ZFPM1: variants seen among roughly 807,000 people sequenced by gnomAD.
The protein encoded by ZFPM1 is zinc finger protein, FOG family member 1, also known as zinc finger protein ZFPM1.
Under a neutral mutation model 46.3 loss-of-function variants are expected in ZFPM1, and 28 were observed. The observed-to-expected ratio is 0.60, with a 90% CI of 0.45 to 0.83. The LOEUF is 0.83. ZFPM1 is among the 40% of genes least tolerant of loss of function. The pLI, the probability that ZFPM1 is intolerant of heterozygous loss-of-function variation, is 0.00. For synonymous variants in ZFPM1, 957 were observed against 675.9 expected, an observed-to-expected ratio of 1.42 and a Z score of -6.45; for missense variants, 1,878 against 1,432.4, an observed-to-expected ratio of 1.31 and a Z score of -5.02.
chr16:88,509,997 CA>C (rs1381413899), intron 3 of ZFPM1, among the ~76,000 whole-genome samples: 2 of 152,104 alleles, frequency 1.3e-5, no homozygotes, highest in Non-Finnish European at 2.9e-5. Flanking sequence ...GGCCAAGTCC[CA>C]GGGGGCAGCC....
At chr16:88,516,828 G>A (rs78615418) in intron 4 of ZFPM1, among the ~76,000 whole-genome samples, 3,898 of 152,224 alleles carry the variant, frequency 0.026, 179 homozygotes, top group African/African-American at 0.09. Context: ...GTGCAGATGC[G>A]ATGCTGTGAC....
intron 4 of ZFPM1, among the ~76,000 whole-genome samples, chr16:88,522,286 G>C (rs1018799749): frequency 1.3e-5 from 2 of 152,244 alleles, no homozygotes; most frequent in Non-Finnish European, 2.9e-5. Context: ...TGAGGGACCA[G>C]CTGGTGCCTC....
intron 4 of ZFPM1, chr16:88,516,027 CTG>C: frequency 7.5e-6 from 3 of 397,982 alleles, no homozygotes; most frequent in Non-Finnish European, 1.3e-5. Context: ...TTGGAGGGCT[CTG>C]TGAGTTCCAG....
chr16:88,475,221 G>A (rs1053274721), intron 1 of ZFPM1, among the ~76,000 whole-genome samples: 4 of 152,254 alleles, frequency 2.6e-5, no homozygotes, highest in Non-Finnish European at 5.9e-5. Flanking sequence ...GTGGGGTGTC[G>A]AGGGTGCCCT....
In ZFPM1 at chr16:88,453,632, C is replaced by T; in HGVS notation, c.-7C>T. On this transcript the variant is annotated 5_prime_UTR_variant, in exon 1 of 10. Coordinates refer to ENST00000319555, the MANE Select transcript of ZFPM1 (RefSeq NM_153813.3). ...CGGCCGCCGGGAGGGCGCGCGGCGC[C>T]GGAGACATGTCCAGGCGGAAACAGA... 8.7e-7 allele frequency: 1 copy of T among 1,146,232 alleles called. No individual in the cohort carries two copies. Among genetic ancestry groups the T allele is most frequent in the Non-Finnish European group, 1.1e-6 (1 of 917,280 alleles). The allele number at this position is 1,146,232 out of a possible 1,614,324, so 71.0% of individuals were successfully genotyped here.
rs1910017888 is a variant in ZFPM1 at position 88,497,783 on chromosome 16, C to G, written c.268+8630C>G. 6.6e-6 allele frequency among the ~76,000 whole-genome samples: 1 copy of G among 152,166 alleles called. No homozygotes were observed. The highest frequency in any genetic ancestry group is 1.5e-5 in the Non-Finnish European group (1 of 68,014). The stretch of plus-strand genomic sequence containing the variant: ...GCCCCAGGGTCCCGACAGGGCCCGC[C>G]CGAGGCTGGGAATCCTCACCCGAGT... On this transcript the variant is annotated intron_variant, in intron 3 of 9. Transcript: ENST00000319555. This position sits in a 1 kb window ranked among gnomAD's most constrained non-coding sequence, Gnocchi z 5.4.
chr16:88,463,790 T>C (rs1908006041), intron 1 of ZFPM1, among the ~76,000 whole-genome samples: 1 of 152,240 alleles, frequency 6.6e-6, no homozygotes, highest in South Asian at 2.1e-4. Context: ...CTGAGGAAAC[T>C]GAGGCCTTCC....
chr16:88,461,270 G>A (rs536559933), intron 1 of ZFPM1, among the ~76,000 whole-genome samples: 1 of 150,442 alleles, frequency 6.6e-6, no homozygotes, highest in East Asian at 1.9e-4. Context: ...AGGACCGACG[G>A]GTGCGAGGCC....
intron 6 of ZFPM1, 117 bp downstream of exon 6, chr16:88,528,355 T>A: frequency 1.7e-6 from 2 of 1,190,508 alleles, no homozygotes; most frequent in Non-Finnish European, 2.3e-6. Flanking sequence ...GCCGACAGAG[T>A]GAGAGGTAAG....
intron 3 of ZFPM1, among the ~76,000 whole-genome samples, chr16:88,502,170 G>A (rs1403217044): frequency 1.3e-5 from 2 of 151,486 alleles, no homozygotes; most frequent in African/African-American, 2.4e-5. Context: ...CCATTACAGC[G>A]GCCGTGGACG....
At position 88,481,717 on chromosome 16, in the gene ZFPM1, G is replaced by A. The variant is rs1232162971; in HGVS notation, c.41-4222G>A. ...TGACCGCCCCTACCTGCTGAGGTCT[G>A]TGTGGGCTGCCACCCTCTACACCCC... On this transcript the variant is annotated intron_variant, in intron 1 of 9. Coordinates refer to ENST00000319555, the MANE Select transcript of ZFPM1 (RefSeq NM_153813.3). Among the ~76,000 whole-genome samples, 4 of 151,974 alleles carry A rather than the reference G, an allele frequency of 2.6e-5. No homozygotes were observed. In the East Asian group the frequency reaches 7.7e-4, roughly 29 times the overall value.
intron 4 of ZFPM1, among the ~76,000 whole-genome samples, chr16:88,523,389 A>C (rs1912053160): frequency 6.6e-6 from 1 of 152,180 alleles, no homozygotes; most frequent in Admixed American, 6.5e-5. Context: ...GCCCCTCCGC[A>C]AGGGAAGCAG....
At chr16:88,479,465 G>T (rs1371016024) in intron 1 of ZFPM1, among the ~76,000 whole-genome samples, 2 of 152,006 alleles carry the variant, frequency 1.3e-5, no homozygotes, top group African/African-American at 4.8e-5. Flanking sequence ...GGCTCACCAC[G>T]GCCCCCAGAC....
intron 3 of ZFPM1, among the ~76,000 whole-genome samples, chr16:88,498,879 C>A (rs1179915902): frequency 3.3e-5 from 5 of 152,222 alleles, no homozygotes; most frequent in Admixed American, 2.6e-4. Context: ...GCCCCTGGCC[C>A]TGAGCCTTCC....
chr16:88,486,905 A>G (rs1909264397), intron 2 of ZFPM1, among the ~76,000 whole-genome samples: 1 of 152,142 alleles, frequency 6.6e-6, no homozygotes, highest in Non-Finnish European at 1.5e-5. Context: ...CACCCCATTC[A>G]CAGACCAGAG....
chr16:88,473,387 A>G (rs116323833), intron 1 of ZFPM1, among the ~76,000 whole-genome samples: 6,924 of 152,306 alleles, frequency 0.045, 539 homozygotes, highest in African/African-American at 0.16. Context: ...CTGTACAGCC[A>G]CTGATGAGGG....
At chr16:88,513,584 C>T (rs1911100160) in intron 3 of ZFPM1, among the ~76,000 whole-genome samples, 2 of 152,228 alleles carry the variant, frequency 1.3e-5, no homozygotes, top group South Asian at 2.1e-4. Flanking sequence ...GGAGGAGCCA[C>T]GTCCCTGTTG....
chr16:88,519,984 G>T (rs1730478561), intron 4 of ZFPM1, among the ~76,000 whole-genome samples: 1 of 150,384 alleles, frequency 6.6e-6, no homozygotes, highest in Non-Finnish European at 1.5e-5. Flanking sequence ...GTGGGTAGGT[G>T]GATGGATGGG....
chr16:88,519,293 A>ATGGG (rs1555527591), intron 4 of ZFPM1, among the ~76,000 whole-genome samples: 175 of 145,372 alleles, frequency 1.2e-3, no homozygotes, highest in African/African-American at 3.5e-3. Context: ...GGATGGATGG[A>ATGGG]TGGGTGGGTG....
Sources: allele counts gnomAD v4.1 joint callset (sites outside exome capture counted in the v4.1 genomes callset), GRCh38; gene constraint gnomAD v4.1.1; non-coding constraint Gnocchi (gnomAD v3.1); transcripts MANE v1.5; gene names NCBI Gene and HGNC (gene_info 2026-07-23, HGNC 2026-07-21).